ZC3H3: variants seen among roughly 807,000 people sequenced by gnomAD.
ZC3H3 encodes the protein zinc finger CCCH-type containing 3.
ZC3H3 carries 36 observed loss-of-function variants against 77.3 expected under a neutral mutation model. That is an observed-to-expected ratio of 0.47 (90% confidence interval 0.36 to 0.61). The LOEUF (loss-of-function observed/expected upper bound fraction) is 0.61, where lower values mean the gene tolerates loss of function less well. ZC3H3 is among the 20% of genes least tolerant of loss of function. The pLI is 0.00. For synonymous variants in ZC3H3, 626 were observed against 555.2 expected (o/e 1.13, Z -1.79); for missense variants, 1,331 against 1,312.2 (o/e 1.01, Z -0.22).
intron 3 of ZC3H3, among the ~76,000 whole-genome samples, chr8:143,532,031 G>A (rs1381562865): frequency 1.3e-5 from 2 of 152,260 alleles, no homozygotes; most frequent in Non-Finnish European, 2.9e-5. Context: ...TAGTAACTCA[G>A]GGGAGATGGG....
chr8:143,443,967 T>C (rs1405952154), intron 9 of ZC3H3, among the ~76,000 whole-genome samples: 1 of 127,928 alleles, frequency 7.8e-6, no homozygotes, highest in African/African-American at 2.9e-5. Flanking sequence ...TTGTAGTTCT[T>C]TTTTTCCTTT....
Position 143,538,310 on chromosome 8 carries a change from G to A in ZC3H3, c.1057C>T (p.Leu353Phe). The change falls in exon 2 of 12, where the codon CTC becomes TTC. Residue 353 changes from leucine to phenylalanine, a missense_variant. By Grantham distance (22) the Leu-to-Phe change is conservative (BLOSUM62 0). Around this residue, in one of 3 missense-constraint regions of ZC3H3, gnomAD observed 978 missense variants for 915.5 expected, o/e 1.07. Transcript: ENST00000262577. ...GGCTTGGGCTCTGGGTCAGCTATGAGCTGCGGCTTCTCCACCTTGTTTGCC... is the reference window on the plus strand; with the variant it reads ...GGCTTGGGCTCTGGGTCAGCTATGAACTGCGGCTTCTCCACCTTGTTTGCC... ...GMANKVEKPQ[L>F]IADPEPKPRK... is the part of the protein sequence containing the mutation. 6.2e-7 allele frequency: 1 copy of A among 1,612,992 alleles called. No individual in the cohort carries two copies. Among genetic ancestry groups the A allele is most frequent in the Non-Finnish European group, 8.5e-7 (1 of 1,180,036 alleles).
At chr8:143,500,917 G>T (rs929598426) in intron 4 of ZC3H3, among the ~76,000 whole-genome samples, 3 of 151,086 alleles carry the variant, frequency 2.0e-5, no homozygotes, top group African/African-American at 7.3e-5. Flanking sequence ...GGTTCAAGCG[G>T]TTCTCCGGCC....
chr8:143,481,888 C>T (rs1820917406), intron 4 of ZC3H3, among the ~76,000 whole-genome samples: 2 of 152,254 alleles, frequency 1.3e-5, no homozygotes, highest in East Asian at 1.9e-4. Context: ...AGCCCTGCCC[C>T]GAGGCAATGC....
In ZC3H3 at chr8:143,539,071, C is replaced by A. The variant is rs757255382; in HGVS notation, c.296G>T (p.Arg99Leu). The A allele has an allele frequency of 1.2e-6, 2 of 1,612,958 alleles. No homozygotes were observed. The highest frequency in any genetic ancestry group is 1.3e-5 in the African/African-American group (1 of 75,050). The change falls in exon 2 of 12, where the codon CGG (arginine) becomes CTG (leucine). Residue 99 changes from arginine to leucine, a missense_variant. Physicochemically the swap from Arg to Leu is moderately radical, Grantham distance 102 (BLOSUM62 -2). Coordinates refer to ENST00000262577, the MANE Select transcript of ZC3H3 (RefSeq NM_015117.3). ...CTGCGGGACAGGAGGCTGGCCCCCC[C>A]GGGCCCCGTGCAACGGCCGCACAGC... ...DHAVRPLHGA[R>L]GGQPPVPQQH... is the part of the protein sequence containing the mutation.
At chr8:143,529,739 C>G (rs1333908286) in intron 3 of ZC3H3, among the ~76,000 whole-genome samples, 4 of 152,200 alleles carry the variant, frequency 2.6e-5, no homozygotes, top group African/African-American at 7.2e-5. Context: ...CAGGTCCCAC[C>G]TGGGTCCTGC....
At chr8:143,443,284 C>CAAAA (rs34765299) in intron 9 of ZC3H3, among the ~76,000 whole-genome samples, 10 of 61,930 alleles carry the variant, frequency 1.6e-4, no homozygotes, top group East Asian at 5.4e-4. Context: ...GACCCTGTCT[C>CAAAA]AAAAAAAAAA....
At chr8:143,463,277 GC>G (rs1820315119) in intron 9 of ZC3H3, among the ~76,000 whole-genome samples, 3 of 151,926 alleles carry the variant, frequency 2.0e-5, no homozygotes, top group Admixed American at 2.0e-4. Flanking sequence ...GAGCCACCGC[GC>G]CCGGCCCAGA....
At chr8:143,459,913 A>G (rs1382008810) in intron 9 of ZC3H3, among the ~76,000 whole-genome samples, 1 of 152,200 alleles carries the variant, frequency 6.6e-6, no homozygotes, top group East Asian at 1.9e-4. Context: ...AAAGACAAGG[A>G]TGCCCACAGT....
At chr8:143,534,120 C>CA (rs1359213522) in intron 3 of ZC3H3, among the ~76,000 whole-genome samples, 4 of 151,912 alleles carry the variant, frequency 2.6e-5, no homozygotes, top group Admixed American at 1.3e-4. Flanking sequence ...CCTGTCCCTA[C>CA]AAAAAAATTA....
chr8:143,480,107 C>T (rs1023151422), intron 4 of ZC3H3, among the ~76,000 whole-genome samples: 1 of 152,196 alleles, frequency 6.6e-6, no homozygotes, highest in African/African-American at 2.4e-5. Flanking sequence ...GGGGGCCGGG[C>T]GGACCTCTGG....
At chr8:143,492,472 G>C (rs1336196738) in intron 4 of ZC3H3, among the ~76,000 whole-genome samples, 1 of 152,168 alleles carries the variant, frequency 6.6e-6, no homozygotes, top group Non-Finnish European at 1.5e-5. Context: ...GGACCATCCT[G>C]AACTGCCTGC....
At chr8:143,499,954 C>T (rs891041052) in intron 4 of ZC3H3, among the ~76,000 whole-genome samples, 1 of 152,198 alleles carries the variant, frequency 6.6e-6, no homozygotes, top group Non-Finnish European at 1.5e-5. Flanking sequence ...CGGGGGCTGG[C>T]CCTGCCCTGA....
chr8:143,504,204 G>A lies in ZC3H3; in HGVS notation c.1715+3542C>T, dbSNP rs567492267. Among the ~76,000 whole-genome samples, 15 of 152,276 alleles carry A rather than the reference G, an allele frequency of 9.9e-5. No individual in the cohort carries two copies. In the East Asian group the frequency reaches 2.7e-3, roughly 28 times the overall value. On this transcript the variant is annotated intron_variant, in intron 4 of 11. Coordinates refer to ENST00000262577, the MANE Select transcript of ZC3H3 (RefSeq NM_015117.3). ...GCTCAGGGCCTGGGGCTCTCCAACC[G>A]AAAGCTGAGAGGAACTGCAGAGGGG...
intron 4 of ZC3H3, among the ~76,000 whole-genome samples, chr8:143,503,828 C>T (rs1477161120): frequency 6.6e-6 from 1 of 152,200 alleles, no homozygotes; most frequent in Non-Finnish European, 1.5e-5. Context: ...CCGCCTCCTC[C>T]ATGTTCAGGT....
At chr8:143,500,969 T>A (rs529902873) in intron 4 of ZC3H3, among the ~76,000 whole-genome samples, 1 of 142,332 alleles carries the variant, frequency 7.0e-6, no homozygotes, top group African/African-American at 2.6e-5. Context: ...CCTGCTACCA[T>A]GCCCGACCTT....
Position 143,476,784 on chromosome 8 carries a change from A to G in ZC3H3, c.1716-1199T>C, listed in dbSNP as rs116286487. 6.3e-3 allele frequency among the ~76,000 whole-genome samples: 955 copies of G among 152,298 alleles called. 11 individuals are homozygous for G. The highest frequency in any genetic ancestry group is 0.022 in the African/African-American group (910 of 41,572). On this transcript the variant is annotated intron_variant, in intron 4 of 11. Transcript: ENST00000262577. ...TGGCACAGGGCTGTGCCCCTGCTCTACGCTCCCCATCCCACACTGGTCCCC... is the reference window on the plus strand; with the variant it reads ...TGGCACAGGGCTGTGCCCCTGCTCTGCGCTCCCCATCCCACACTGGTCCCC...
chr8:143,489,302 G>A (rs866525629), intron 4 of ZC3H3, among the ~76,000 whole-genome samples: 30 of 152,322 alleles, frequency 2.0e-4, no homozygotes, highest in African/African-American at 7.2e-4. Flanking sequence ...GGACGCCCCA[G>A]GTGGGAAGGG....
At chr8:143,456,092 G>A (rs1484950640) in intron 9 of ZC3H3, among the ~76,000 whole-genome samples, 2 of 151,762 alleles carry the variant, frequency 1.3e-5, no homozygotes, top group Admixed American at 1.3e-4. Context: ...TATGGGTTCA[G>A]GTATCCATGA....
Sources: gnomAD v4.1 joint callset for allele counts (sites outside exome capture counted in the v4.1 genomes callset) on GRCh38, gnomAD v4.1.1 for gene constraint, gnomAD v4.1.1 regional missense constraint, MANE v1.5 for transcripts, NCBI Gene and HGNC (gene_info 2026-07-23, HGNC 2026-07-21) for gene names.